RB1: variants seen among roughly 807,000 people sequenced by gnomAD.
The protein encoded by RB1 is retinoblastoma-associated protein.
In RB1, 18 loss-of-function variants were observed where a neutral mutation model predicts 135.4. That is an observed-to-expected ratio of 0.13 (90% confidence interval 0.09 to 0.20). The LOEUF is 0.20. Among genes scored for constraint, RB1 ranks in the 10% least tolerant of loss-of-function variants. The pLI, the probability that RB1 is intolerant of heterozygous loss-of-function variation, is 1.00. For missense variants in RB1, 868 were observed against 1,110.0 expected (o/e 0.78, Z 3.10); for synonymous variants, 365 against 373.2 (o/e 0.98, Z 0.25).
intron 2 of RB1, among the ~76,000 whole-genome samples, chr13:48,339,448 C>G (rs1952421152): frequency 6.6e-6 from 1 of 152,222 alleles, no homozygotes; most frequent in African/African-American, 2.4e-5. Flanking sequence ...GAGCGAGGCT[C>G]CGTGGGTGTG....
intron 17 of RB1, among the ~76,000 whole-genome samples, chr13:48,397,704 G>T (rs1948659746): frequency 6.6e-6 from 1 of 151,914 alleles, no homozygotes. Context: ...TAAATCGAGG[G>T]TCATTTTATG....
At chr13:48,458,336 T>G (rs995074852) in intron 19 of RB1, among the ~76,000 whole-genome samples, 1 of 152,130 alleles carries the variant, frequency 6.6e-6, no homozygotes, top group Non-Finnish European at 1.5e-5. Flanking sequence ...TGTCTGTGCA[T>G]GCGTATATAC....
At chr13:48,441,184 T>C (rs1274188223) in intron 17 of RB1, among the ~76,000 whole-genome samples, 1 of 152,226 alleles carries the variant, frequency 6.6e-6, no homozygotes, top group East Asian at 1.9e-4. Flanking sequence ...GAGGCCTGTT[T>C]CCTGGTTCAT....
intron 3 of RB1, among the ~76,000 whole-genome samples, chr13:48,344,804 A>G (rs1264209250): frequency 1.3e-5 from 2 of 152,196 alleles, no homozygotes; most frequent in Non-Finnish European, 2.9e-5. Flanking sequence ...TTTAAAACAC[A>G]TAGACAGATA....
At chr13:48,479,917 T>G (rs1417513533) in intron 26 of RB1, 81 bp from the exon 27 acceptor site, 6 of 1,098,680 alleles carry the variant, frequency 5.5e-6, no homozygotes, top group Admixed American at 3.7e-5. Flanking sequence ...CAGTTTGACA[T>G]GAGCATAATA....
At chr13:48,345,413 C>T (rs1952483962) in intron 4 of RB1, among the ~76,000 whole-genome samples, 1 of 152,086 alleles carries the variant, frequency 6.6e-6, no homozygotes, top group Non-Finnish European at 1.5e-5. Flanking sequence ...TTTTATTATC[C>T]TTTCATGTCT....
At chr13:48,375,491 G>A (rs1287364012) in intron 12 of RB1, among the ~76,000 whole-genome samples, 2 of 149,270 alleles carry the variant, frequency 1.3e-5, no homozygotes, top group Admixed American at 6.7e-5. Flanking sequence ...TTTTTTTTTA[G>A]GAATATAGAA....
chr13:48,336,559 A>G (rs1952387338), intron 2 of RB1, among the ~76,000 whole-genome samples: 1 of 151,674 alleles, frequency 6.6e-6, no homozygotes, highest in African/African-American at 2.4e-5. Flanking sequence ...TATTGCATCT[A>G]TTTGATTCTT....
At chr13:48,367,116 CT>C (rs1455919828) in intron 9 of RB1, among the ~76,000 whole-genome samples, 42 of 32,478 alleles carry the variant, frequency 1.3e-3, no homozygotes, top group Middle Eastern at 0.026. Flanking sequence ...GAAACTCCAT[CT>C]CAAAAAAAAA....
At chr13:48,478,621 C>A (rs1475793383) in intron 26 of RB1, among the ~76,000 whole-genome samples, 2 of 152,160 alleles carry the variant, frequency 1.3e-5, no homozygotes. Flanking sequence ...GCTATGATGG[C>A]GAGCTTCCTC....
intron 2 of RB1, chr13:48,317,967 T>C (rs1434137638): frequency 1.1e-5 from 5 of 448,412 alleles, no homozygotes; most frequent in Non-Finnish European, 1.3e-5. Context: ...AAAAACTTAC[T>C]AATCTACAGT....
intron 1 of RB1, among the ~76,000 whole-genome samples, chr13:48,305,479 T>A (rs139668271): frequency 2.0e-5 from 3 of 152,348 alleles, no homozygotes; most frequent in African/African-American, 7.2e-5. Context: ...CTTGGGAAAA[T>A]GCAGTAATGG....
intron 9 of RB1, among the ~76,000 whole-genome samples, chr13:48,365,363 T>C (rs1465541953): frequency 1.3e-5 from 2 of 152,226 alleles, no homozygotes; most frequent in Non-Finnish European, 2.9e-5. Context: ...TTGGCATTAC[T>C]ACATTGTGGA....
At chr13:48,316,719 TCACACACACACACACA>T (rs60176662) in intron 2 of RB1, 16,499 of 107,552 alleles carry the variant, frequency 0.15, 1,406 homozygotes, top group Non-Finnish European at 0.18. Context: ...CACAGAACCA[TCACACACACACACACA>T]CACACACACA....
intron 3 of RB1, 137 bp downstream of exon 3, chr13:48,342,851 A>AC (rs374408295): frequency 1.6e-6 from 1 of 640,734 alleles, no homozygotes; most frequent in Non-Finnish European, 2.7e-6. Context: ...CAAATAGTGA[A>AC]CTGCCATTCT....
intron 19 of RB1, among the ~76,000 whole-genome samples, chr13:48,457,893 G>A (rs1296442586): frequency 2.6e-5 from 4 of 152,250 alleles, no homozygotes; most frequent in East Asian, 1.9e-4. Flanking sequence ...CTGCGAGGGC[G>A]GTGGCAGTTG....
chr13:48,403,898 G>A (rs1948715635), intron 17 of RB1, among the ~76,000 whole-genome samples: 2 of 152,158 alleles, frequency 1.3e-5, no homozygotes, highest in South Asian at 4.1e-4. Context: ...CTACTTGGGA[G>A]GCTGAGGAGG....
chr13:48,346,862 C>T (rs1381975345), intron 4 of RB1, among the ~76,000 whole-genome samples: 1 of 151,914 alleles, frequency 6.6e-6, no homozygotes, highest in Non-Finnish European at 1.5e-5. Flanking sequence ...GGATGTATTA[C>T]CTTTCTAGTA....
rs1566179161 is a variant in RB1 at position 48,319,646 on chromosome 13, C to T, written c.264+12240C>T. The T allele has an allele frequency of 7.7e-6, 2 of 258,712 alleles. No individual in the cohort carries two copies. Among genetic ancestry groups the T allele is most frequent in the Non-Finnish European group, 1.6e-5 (2 of 126,650 alleles). 16.0% of individuals were successfully genotyped at this position (258,712 alleles called of 1,614,324 possible). A position where few individuals can be genotyped will look rare whatever the true frequency, so the allele number is the denominator to read the frequency against. ...GAAAGGCGAACTCTTTATGGGCGCC[C>T]TTCAGACCCTGCCGATGCGCCACCT... On this transcript the variant is annotated intron_variant, in intron 2 of 26. Transcript: ENST00000267163. The surrounding 1 kb of genome is among the most constrained non-coding windows in gnomAD (Gnocchi z 5.0).
Sources: gnomAD v4.1 joint callset for allele counts (sites outside exome capture counted in the v4.1 genomes callset) on GRCh38, gnomAD v4.1.1 for gene constraint, Gnocchi (gnomAD v3.1) non-coding constraint, MANE v1.5 for transcripts, NCBI Gene and HGNC (gene_info 2026-07-23, HGNC 2026-07-21) for gene names.